RFX4: variants seen among roughly 807,000 people sequenced by gnomAD.
RFX4 encodes the protein regulatory factor X4.
A neutral mutation model predicts 95.0 loss-of-function variants in RFX4; 10 were observed. The observed-to-expected ratio is 0.11, with a 90% CI of 0.06 to 0.18. The LOEUF (loss-of-function observed/expected upper bound fraction) is 0.18, where lower values mean the gene tolerates loss of function less well. RFX4 is among the 10% of genes least tolerant of loss of function. The pLI, the probability that RFX4 is intolerant of heterozygous loss-of-function variation, is 1.00. For synonymous variants in RFX4, 321 were observed against 340.7 expected (o/e 0.94, Z 0.64); for missense variants, 640 against 922.0 (o/e 0.69, Z 3.96).
chr12:106,687,079 C>A lies in RFX4; in HGVS notation c.573C>A (p.Ala191=). The change falls in exon 6 of 18, where the codon GCC becomes GCA. Residue 191 remains alanine, a synonymous_variant. Transcript: ENST00000392842. The part of the protein sequence containing the change: ...FPNVKDLNLP[A]SLPEEKVSTF... The stretch of plus-strand genomic sequence containing the variant: ...ATGTCAAAGATCTAAATCTGCCAGC[C>A]AGCCTGCCTGAGGAGAAGGTAACTA... The A allele has an allele frequency of 6.2e-7, 1 of 1,613,624 alleles. No individual in the cohort carries two copies.
At chr12:106,667,430 C>T (rs550263657) in intron 4 of RFX4, among the ~76,000 whole-genome samples, 4 of 152,282 alleles carry the variant, frequency 2.6e-5, no homozygotes, top group South Asian at 2.1e-4. Flanking sequence ...CTTCCCCTGC[C>T]GGAAGCGTGA....
intron 1 of RFX4, among the ~76,000 whole-genome samples, chr12:106,595,578 G>C (rs1480389462): frequency 6.6e-6 from 1 of 152,118 alleles, no homozygotes; most frequent in African/African-American, 2.4e-5. Context: ...AGTTCAACCT[G>C]GCACCACCAC....
At chr12:106,713,275 C>T (rs1384293755) in intron 10 of RFX4, among the ~76,000 whole-genome samples, 1 of 152,196 alleles carries the variant, frequency 6.6e-6, no homozygotes, top group Non-Finnish European at 1.5e-5. Context: ...CTTTCAGATA[C>T]ACCAGGTAAG....
intron 4 of RFX4, among the ~76,000 whole-genome samples, chr12:106,657,756 C>A (rs1180293234): frequency 6.6e-6 from 1 of 152,144 alleles, no homozygotes; most frequent in Non-Finnish European, 1.5e-5. Flanking sequence ...GTGCTCTACC[C>A]ATCAAATAAA....
At chr12:106,665,169 T>G (rs1214274487) in intron 4 of RFX4, among the ~76,000 whole-genome samples, 2 of 151,872 alleles carry the variant, frequency 1.3e-5, no homozygotes, top group African/African-American at 2.4e-5. Context: ...TGATGCTGTC[T>G]TGTTAGGCAC....
At chr12:106,661,152 C>G (rs1373856846) in intron 4 of RFX4, among the ~76,000 whole-genome samples, 2 of 152,174 alleles carry the variant, frequency 1.3e-5, no homozygotes, top group African/African-American at 4.8e-5. Context: ...TGGGCAGGTC[C>G]TTTTCCCTCT....
chr12:106,605,513 C>T (rs1272774786), intron 1 of RFX4, among the ~76,000 whole-genome samples: 1 of 152,038 alleles, frequency 6.6e-6, no homozygotes, highest in Non-Finnish European at 1.5e-5. Context: ...AATGCAAGAC[C>T]CTTGAATGCA....
chr12:106,720,316 A>C lies in RFX4; in HGVS notation c.1233+262A>C, dbSNP rs2042371692. 6.6e-6 allele frequency among the ~76,000 whole-genome samples: 1 copy of C among 152,250 alleles called. No homozygotes were observed. On this transcript the variant is annotated intron_variant, in intron 12 of 17. Transcript: ENST00000392842. This position sits in a 1 kb window ranked among gnomAD's most constrained non-coding sequence, Gnocchi z 4.2. Reference sequence around the variant, plus strand: ...TTAAAGTTTTTTTGCTGCTACAAACAAAACAAAAACCATTGCTCCATAGCA... The same window carrying C: ...TTAAAGTTTTTTTGCTGCTACAAACCAAACAAAAACCATTGCTCCATAGCA...
At chr12:106,670,322 G>A (rs916881272) in intron 4 of RFX4, among the ~76,000 whole-genome samples, 2 of 152,076 alleles carry the variant, frequency 1.3e-5, no homozygotes, top group Non-Finnish European at 2.9e-5. Context: ...TGTATCTTAT[G>A]TAACTCACCT....
chr12:106,756,680 C>T (rs2043113961), intron 17 of RFX4, among the ~76,000 whole-genome samples: 1 of 152,134 alleles, frequency 6.6e-6, no homozygotes, highest in African/African-American at 2.4e-5. Context: ...ATTTTCTCAT[C>T]TGAAAAATGA....
At chr12:106,590,956 TAAAA>T (rs1017433222) in intron 1 of RFX4, among the ~76,000 whole-genome samples, 14 of 145,460 alleles carry the variant, frequency 9.6e-5, no homozygotes, top group Admixed American at 8.2e-4. Flanking sequence ...AAGAAAAAAA[TAAAA>T]AAGAAAGGAA....
chr12:106,667,095 A>G (rs2041192602), intron 4 of RFX4, among the ~76,000 whole-genome samples: 1 of 152,138 alleles, frequency 6.6e-6, no homozygotes, highest in African/African-American at 2.4e-5. Flanking sequence ...TAGTAAGCCT[A>G]TGCCTCTGGA....
At chr12:106,625,863 CTG>C (rs2040286880) in intron 2 of RFX4, among the ~76,000 whole-genome samples, 1 of 152,148 alleles carries the variant, frequency 6.6e-6, no homozygotes. Flanking sequence ...GATGAAGAAA[CTG>C]AGATTCAGAG....
chr12:106,707,478 T>C (rs1056012104), intron 8 of RFX4, among the ~76,000 whole-genome samples: 9 of 151,914 alleles, frequency 5.9e-5, no homozygotes, highest in African/African-American at 2.2e-4. Context: ...GGCAGGAGTT[T>C]TGTGACTGGG....
chr12:106,721,697 G>A (rs1264132391), intron 13 of RFX4, among the ~76,000 whole-genome samples: 2 of 152,190 alleles, frequency 1.3e-5, no homozygotes, highest in Non-Finnish European at 2.9e-5. Flanking sequence ...TTTCGGCAAA[G>A]GGGCATTGGT....
intron 7 of RFX4, among the ~76,000 whole-genome samples, chr12:106,694,672 C>T (rs898308800): frequency 1.3e-5 from 2 of 152,160 alleles, no homozygotes; most frequent in African/African-American, 2.4e-5. Context: ...TAATGATTCT[C>T]AGCTATAGTA....
chr12:106,729,829 A>G (rs2042576204), intron 13 of RFX4, among the ~76,000 whole-genome samples: 2 of 152,204 alleles, frequency 1.3e-5, no homozygotes, highest in African/African-American at 2.4e-5. Context: ...GGGCAGTTTG[A>G]TCAACAGCGC....
chr12:106,710,278 G>A (rs2042167662), intron 9 of RFX4, among the ~76,000 whole-genome samples: 1 of 152,098 alleles, frequency 6.6e-6, no homozygotes, highest in South Asian at 2.1e-4. Context: ...ACAGGCAAAG[G>A]GAGCCCTTTC....
At chr12:106,689,253 G>A (rs9804754) in intron 6 of RFX4, 34 bp from the exon 7 acceptor site, 527,878 of 1,513,216 alleles carry the variant, frequency 0.35, 93,466 homozygotes, top group African/African-American at 0.39. Flanking sequence ...ATTAATGTAT[G>A]TCTTTGTTGT....
Sources: gnomAD v4.1 joint callset for allele counts (sites outside exome capture counted in the v4.1 genomes callset) on GRCh38, gnomAD v4.1.1 for gene constraint, Gnocchi (gnomAD v3.1) non-coding constraint, MANE v1.5 for transcripts, NCBI Gene and HGNC (gene_info 2026-07-23, HGNC 2026-07-21) for gene names.